The following DHRS12 variants were observed in gnomAD, a reference collection of about 807,000 sequenced individuals.
The protein encoded by DHRS12 is dehydrogenase/reductase 12.
In DHRS12, 29 loss-of-function variants were observed where a neutral mutation model predicts 32.1. The ratio of observed to expected loss-of-function variants is 0.90; its 90% CI spans 0.67 to 1.23. The LOEUF (loss-of-function observed/expected upper bound fraction) is 1.23, where lower values mean the gene tolerates loss of function less well. Ranked by LOEUF, DHRS12 falls within the 50% of genes most tolerant of loss-of-function variation. The pLI is 0.00. For missense variants in DHRS12, 330 were observed against 337.2 expected, an observed-to-expected ratio of 0.98 and a Z score of 0.17; for synonymous variants, 150 against 135.9, an observed-to-expected ratio of 1.10 and a Z score of -0.72.
At chr13:51,797,877 T>G (rs924377002) in intron 2 of DHRS12, 4 of 1,535,902 alleles carry the variant, frequency 2.6e-6, no homozygotes, top group Non-Finnish European at 3.5e-6. Flanking sequence ...CTGCTGGGGC[T>G]TGATCTCGAC....
intron 5 of DHRS12, chr13:51,776,576 C>T (rs752389429): frequency 7.1e-5 from 12 of 168,370 alleles, no homozygotes; most frequent in African/African-American, 1.7e-4. Flanking sequence ...TATGAACTTT[C>T]GGGTCGGGGG....
In DHRS12 at chr13:51,803,964, C is replaced by G. The variant is rs1457636591; in HGVS notation, c.-9+90G>C. ...TCGGCCCAGCGAGAGGGCGAAGGAG[C>G]CGCGGGCGCGTCCCCGCCAACCCTG... On this transcript the variant is annotated intron_variant, in intron 1 of 8. Coordinates refer to ENST00000444610, the MANE Select transcript of DHRS12 (RefSeq NM_001377533.1). The G allele has an allele frequency of 2.5e-6, 3 of 1,207,760 alleles. No individual in the cohort carries two copies. In the African/African-American group the frequency reaches 4.8e-5, roughly 19 times the overall value. The allele number at this position is 1,207,760 out of a possible 1,614,324, so 74.8% of individuals were successfully genotyped here.
chr13:51,768,366 G>A, intron 8 of DHRS12, 70 bp from the exon 9 acceptor site: 1 of 1,530,176 alleles, frequency 6.5e-7, no homozygotes, highest in Non-Finnish European at 8.7e-7. Context: ...TCCCTGTGCT[G>A]CTCAGGCCTT....
intron 4 of DHRS12, among the ~76,000 whole-genome samples, chr13:51,777,710 T>C (rs757144655): frequency 4.1e-4 from 63 of 152,100 alleles, no homozygotes; most frequent in Admixed American, 1.2e-3. Context: ...TTACAAAACA[T>C]TGGGAACACC....
chr13:51,788,234 G>C (rs889224870), intron 4 of DHRS12, among the ~76,000 whole-genome samples: 8 of 152,098 alleles, frequency 5.3e-5, no homozygotes, highest in Admixed American at 1.3e-4. Flanking sequence ...GGCCAGCTGC[G>C]GCACTCTGGG....
chr13:51,764,426 CT>C (rs1407231907), downstream of DHRS12: 3 of 152,892 alleles, frequency 2.0e-5, no homozygotes, highest in African/African-American at 7.2e-5. Flanking sequence ...ATGGAAATGA[CT>C]TTCCAGGCTT....
In DHRS12 at chr13:51,799,281, A is replaced by T. The variant is rs182355098; in HGVS notation, c.126+253T>A. Among the ~76,000 whole-genome samples the T allele has an allele frequency of 5.1e-3, 783 of 152,250 alleles. 5 individuals carry two copies. The highest frequency in any genetic ancestry group is 0.014 in the African/African-American group (598 of 41,530). On this transcript the variant is annotated intron_variant, in intron 2 of 8. Coordinates refer to ENST00000444610, the MANE Select transcript of DHRS12 (RefSeq NM_001377533.1). ...TTTGCTTGAGCCCCTCGCTGTTCTT[A>T]ATCAGAAAACACTGGGACACGTGGG... is the stretch of plus-strand genomic sequence containing the variant.
chr13:51,795,864 T>C (rs1243738514), intron 2 of DHRS12, among the ~76,000 whole-genome samples: 1 of 152,136 alleles, frequency 6.6e-6, no homozygotes, highest in Non-Finnish European at 1.5e-5. Flanking sequence ...TTGGGGTTCA[T>C]ACTATTTGTC....
In DHRS12 at chr13:51,782,270, A is replaced by T. The variant is rs492869; in HGVS notation, c.302-5149T>A. Among the ~76,000 whole-genome samples the T allele has an allele frequency of 0.47, 71,348 of 151,852 alleles. 19,977 individuals are homozygous for T. Among genetic ancestry groups the T allele is most frequent in the Non-Finnish European group, 0.63 (42,932 of 67,900 alleles). Reference sequence around the variant, plus strand: ...GGCACATGATGGCATTGGGGCAAGGATGAGATCCCAACAGAGAGTGTGGGA... The same window carrying T: ...GGCACATGATGGCATTGGGGCAAGGTTGAGATCCCAACAGAGAGTGTGGGA... On this transcript the variant is annotated intron_variant, in intron 4 of 8. Transcript: ENST00000444610. The surrounding 1 kb of genome is among the most constrained non-coding windows in gnomAD (Gnocchi z 4.2).
intron 2 of DHRS12, among the ~76,000 whole-genome samples, chr13:51,792,058 G>A (rs942333327): frequency 2.0e-5 from 3 of 152,180 alleles, no homozygotes; most frequent in Admixed American, 6.5e-5. Context: ...TGCAATGGAC[G>A]TGAAGGTGCT....
In DHRS12 at chr13:51,799,770, G is replaced by A. The variant is rs191536670; in HGVS notation, c.-8-103C>T. On this transcript the variant is annotated intron_variant, in intron 1 of 8. Transcript: ENST00000444610. ...TAGGATGGGCATTATTGCTGTCTCC[G>A]CCTCTCCCAACACATCACGAAACTC... 220 of 1,389,698 alleles carry A rather than the reference G, an allele frequency of 1.6e-4. 2 individuals carry two copies. The African/African-American group carries it at 2.2e-3, about 14-fold the overall frequency. The allele number at this position is 1,389,698 out of a possible 1,614,324, so 86.1% of individuals were successfully genotyped here.
intron 2 of DHRS12, among the ~76,000 whole-genome samples, chr13:51,794,170 A>G (rs892647137): frequency 6.6e-6 from 1 of 152,240 alleles, no homozygotes; most frequent in Non-Finnish European, 1.5e-5. Context: ...CCACACAATG[A>G]GAAGGCTCAC....
the DHRS12 span, chr13:51,758,233 T>C: frequency 3.1e-6 from 5 of 1,598,092 alleles, no homozygotes; most frequent in African/African-American, 1.3e-5. Context: ...AAACATAACA[T>C]TGTGCATGTG....
the DHRS12 span, among the ~76,000 whole-genome samples, chr13:51,759,257 A>G: frequency 2.0e-5 from 3 of 152,228 alleles, no homozygotes; most frequent in African/African-American, 7.2e-5. Flanking sequence ...GGTATCTTGT[A>G]AAATGGTTTG....
intron 3 of DHRS12, 22 bp downstream of exon 3, chr13:51,791,143 C>A: frequency 1.3e-6 from 2 of 1,495,502 alleles, no homozygotes; most frequent in Non-Finnish European, 1.8e-6. Flanking sequence ...ATTTATTCTC[C>A]ACTTATGTTT....
chr13:51,781,346 G>A (rs1025654446), intron 4 of DHRS12, among the ~76,000 whole-genome samples: 4 of 151,754 alleles, frequency 2.6e-5, no homozygotes, highest in African/African-American at 7.3e-5. Context: ...ACTCATCCCC[G>A]CCACCTTATC....
chr13:51,769,116 G>T (rs920989315), intron 8 of DHRS12, 40 bp downstream of exon 8: 51 of 1,548,406 alleles, frequency 3.3e-5, no homozygotes, highest in Non-Finnish European at 3.9e-5. Flanking sequence ...GCTGCCCCTA[G>T]CCCTGTGTCA....
chr13:51,773,012 C>A (rs1954105818), intron 6 of DHRS12: 1 of 985,464 alleles, frequency 1.0e-6, no homozygotes, highest in African/African-American at 1.7e-5. Context: ...GTGCTGGCAG[C>A]CTTACAGACA....
intron 7 of DHRS12, 115 bp from the exon 8 acceptor site, chr13:51,769,408 TC>T: frequency 2.2e-6 from 2 of 907,112 alleles, no homozygotes; most frequent in Non-Finnish European, 3.2e-6. Context: ...CATAAACTGC[TC>T]CTTCTATTTT....
Sources: allele counts gnomAD v4.1 joint callset (sites outside exome capture counted in the v4.1 genomes callset), GRCh38; gene constraint gnomAD v4.1.1; non-coding constraint Gnocchi (gnomAD v3.1); transcripts MANE v1.5; gene names NCBI Gene and HGNC (gene_info 2026-07-23, HGNC 2026-07-21).